The following RPTOR variants were observed in gnomAD, a reference collection of about 807,000 sequenced individuals.
The protein encoded by RPTOR is regulatory associated protein of MTOR complex 1.
A neutral mutation model predicts 169.9 loss-of-function variants in RPTOR; 21 were observed. That is an observed-to-expected ratio of 0.12 (90% CI 0.09 to 0.18). The LOEUF (loss-of-function observed/expected upper bound fraction) is 0.18, where lower values mean the gene tolerates loss of function less well. Among genes scored for constraint, RPTOR ranks in the 10% least tolerant of loss-of-function variants. The probability of loss-of-function intolerance (pLI) is 1.00; values close to 1 mark genes in which losing one functional copy is unlikely to be tolerated. For missense variants in RPTOR, 1,133 were observed against 1,855.9 expected (o/e 0.61, Z 7.16); for synonymous variants, 732 against 753.2 (o/e 0.97, Z 0.46).
intron 11 of RPTOR, among the ~76,000 whole-genome samples, chr17:80,853,467 TTAATG>T (rs1233746064): frequency 6.6e-6 from 1 of 152,086 alleles, no homozygotes; most frequent in Non-Finnish European, 1.5e-5. Context: ...GGTCATTTGT[TTAATG>T]TCTGTCTCCC....
intron 7 of RPTOR, among the ~76,000 whole-genome samples, chr17:80,821,262 A>G (rs551073540): frequency 6.6e-6 from 1 of 152,334 alleles, no homozygotes; most frequent in Admixed American, 6.5e-5. Flanking sequence ...CAACAGTTTA[A>G]GAAAAGAAGT....
intron 2 of RPTOR, among the ~76,000 whole-genome samples, chr17:80,637,234 G>C (rs1380739591): frequency 1.3e-5 from 2 of 152,224 alleles, no homozygotes; most frequent in African/African-American, 4.8e-5. Flanking sequence ...CGTCATGTCT[G>C]TGAGCAAACA....
At chr17:80,592,113 A>G (rs890974474) in intron 1 of RPTOR, among the ~76,000 whole-genome samples, 4 of 151,844 alleles carry the variant, frequency 2.6e-5, no homozygotes, top group African/African-American at 9.7e-5. Flanking sequence ...ACTGGGTTTT[A>G]TTTGTCTCTC....
chr17:80,874,932 T>C (rs753058649), intron 13 of RPTOR, among the ~76,000 whole-genome samples: 4 of 152,218 alleles, frequency 2.6e-5, no homozygotes, highest in Non-Finnish European at 5.9e-5. Flanking sequence ...ACACGGCCCG[T>C]ATCTCTGTGA....
In RPTOR at chr17:80,957,825, C is replaced by T; in HGVS notation, c.3477+95C>T. On this transcript the variant is annotated intron_variant, in intron 29 of 33. Coordinates refer to ENST00000306801, the MANE Select transcript of RPTOR (RefSeq NM_020761.3). The surrounding 1 kb of genome is among the most constrained non-coding windows in gnomAD (Gnocchi z 4.6). ...GAACCCAGCAAAGTGTGCGGTGAGG[C>T]CTGGCCATCCCAGGGGTGGAGTCAG... 8.9e-7 allele frequency: 1 copy of T among 1,126,740 alleles called. No individual in the cohort carries two copies. Among genetic ancestry groups the T allele is most frequent in the South Asian group, 1.3e-5 (1 of 77,352 alleles). The allele number at this position is 1,126,740 out of a possible 1,614,324, so 69.8% of individuals were successfully genotyped here. A position where few individuals can be genotyped will look rare whatever the true frequency, so the allele number is the denominator to read the frequency against.
chr17:80,675,342 G>A (rs2065853937), intron 3 of RPTOR, among the ~76,000 whole-genome samples: 2 of 152,160 alleles, frequency 1.3e-5, no homozygotes, highest in Non-Finnish European at 2.9e-5. Flanking sequence ...TTAGGACTAT[G>A]AAGTTTGCTT....
Position 80,845,292 on chromosome 17 carries a change from C to T in RPTOR, c.1213-1181C>T, listed in dbSNP as rs925190313. ...CCACGGAGAACTCGTGTCACCCCCT[C>T]GAGGGGCCCTGATGCCGCCTGACAT... On this transcript the variant is annotated intron_variant, in intron 10 of 33. Transcript: ENST00000306801. The surrounding 1 kb of genome is among the most constrained non-coding windows in gnomAD (Gnocchi z 5.4). Among the ~76,000 whole-genome samples the T allele has an allele frequency of 9.2e-5, 14 of 152,150 alleles. No individual in the cohort carries two copies. The highest frequency in any genetic ancestry group is 2.6e-4 in the Admixed American group (4 of 15,282).
At chr17:80,722,852 C>A (rs889026561) in intron 4 of RPTOR, among the ~76,000 whole-genome samples, 1 of 151,152 alleles carries the variant, frequency 6.6e-6, no homozygotes, top group Non-Finnish European at 1.5e-5. Flanking sequence ...GCAGCCTTGC[C>A]GCTGTAATCC....
At chr17:80,813,028 C>T (rs1177735101) in intron 7 of RPTOR, among the ~76,000 whole-genome samples, 1 of 152,224 alleles carries the variant, frequency 6.6e-6, no homozygotes, top group East Asian at 1.9e-4. Flanking sequence ...CAGACTATAG[C>T]ACTGCAGCCC....
intron 1 of RPTOR, among the ~76,000 whole-genome samples, chr17:80,552,059 T>C (rs1486075052): frequency 6.6e-6 from 1 of 152,186 alleles, no homozygotes; most frequent in East Asian, 1.9e-4. Context: ...AGGTCATAGA[T>C]TAACAGAATC....
intron 5 of RPTOR, among the ~76,000 whole-genome samples, chr17:80,739,942 G>A (rs1258530694): frequency 1.3e-5 from 2 of 150,596 alleles, no homozygotes; most frequent in Non-Finnish European, 3.0e-5. Flanking sequence ...AATAATAACA[G>A]AAATCATTAA....
intron 31 of RPTOR, among the ~76,000 whole-genome samples, chr17:80,961,956 T>C (rs1372755005): frequency 6.6e-6 from 1 of 152,222 alleles, no homozygotes; most frequent in Non-Finnish European, 1.5e-5. Flanking sequence ...GAGATGCTCT[T>C]TTCCCCCTTG....
chr17:80,770,536 G>A (rs2066832359), intron 6 of RPTOR, among the ~76,000 whole-genome samples: 1 of 152,156 alleles, frequency 6.6e-6, no homozygotes, highest in African/African-American at 2.4e-5. Flanking sequence ...CATGGCGGTG[G>A]CTGTCGGATG....
At chr17:80,729,507 G>A (rs1448972952) in intron 4 of RPTOR, among the ~76,000 whole-genome samples, 1 of 152,176 alleles carries the variant, frequency 6.6e-6, no homozygotes, top group African/African-American at 2.4e-5. Context: ...TGTCTGTTCA[G>A]GCGCTGAACA....
intron 6 of RPTOR, among the ~76,000 whole-genome samples, chr17:80,762,411 G>A (rs556712314): frequency 3.3e-5 from 5 of 152,308 alleles, no homozygotes; most frequent in South Asian, 2.1e-4. Flanking sequence ...TGGAGCTGGC[G>A]AGGGCCCCAG....
At chr17:80,710,567 T>TGTGTG (rs2066180059) in intron 4 of RPTOR, among the ~76,000 whole-genome samples, 2 of 110,656 alleles carry the variant, frequency 1.8e-5, no homozygotes, top group African/African-American at 6.3e-5. Context: ...CCTTGGTTAT[T>TGTGTG]TGTATGTGTG....
intron 4 of RPTOR, among the ~76,000 whole-genome samples, chr17:80,728,872 G>C (rs2066363741): frequency 6.6e-6 from 1 of 152,140 alleles, no homozygotes; most frequent in Non-Finnish European, 1.5e-5. Context: ...AGATCCTTCA[G>C]TGGGTTTATT....
At position 80,646,128 on chromosome 17, in the gene RPTOR, G is replaced by A. The variant is rs2065593805; in HGVS notation, c.348+2318G>A. The stretch of plus-strand genomic sequence containing the variant: ...TGCAGCCTAGAAGGAAGCTGTTCTT[G>A]CACACAGAGTGGGATCTTTTGTCCC... On this transcript the variant is annotated intron_variant, in intron 3 of 33. Transcript: ENST00000306801. The surrounding 1 kb of genome is among the most constrained non-coding windows in gnomAD (Gnocchi z 5.0). Among the ~76,000 whole-genome samples, 1 of 152,164 alleles carries A rather than the reference G, an allele frequency of 6.6e-6. No individual in the cohort carries two copies. The highest frequency in any genetic ancestry group is 2.4e-5 in the African/African-American group (1 of 41,438).
At chr17:80,665,605 C>T (rs1423494311) in intron 3 of RPTOR, among the ~76,000 whole-genome samples, 1 of 150,566 alleles carries the variant, frequency 6.6e-6, no homozygotes, top group Admixed American at 6.7e-5. Flanking sequence ...AGTGCAGTGG[C>T]GTGATCTCGG....
Sources: gnomAD v4.1 joint callset for allele counts (sites outside exome capture counted in the v4.1 genomes callset) on GRCh38, gnomAD v4.1.1 for gene constraint, Gnocchi (gnomAD v3.1) non-coding constraint, MANE v1.5 for transcripts, NCBI Gene and HGNC (gene_info 2026-07-23, HGNC 2026-07-21) for gene names.